The following KIF20B variants were observed in gnomAD, a reference collection of about 807,000 sequenced individuals.
KIF20B encodes the protein kinesin-like protein KIF20B.
A neutral mutation model predicts 232.5 loss-of-function variants in KIF20B; 188 were observed. The observed-to-expected ratio is 0.81, with a 90% CI of 0.72 to 0.91. KIF20B has a LOEUF of 0.91. Ranked by LOEUF, KIF20B falls within the 40% of genes least tolerant of loss-of-function variation. The pLI, the probability that KIF20B is intolerant of heterozygous loss-of-function variation, is 0.00. For synonymous variants in KIF20B, 712 were observed against 683.0 expected, an observed-to-expected ratio of 1.04 and a Z score of -0.66; for missense variants, 2,154 against 2,055.9, an observed-to-expected ratio of 1.05 and a Z score of -0.92.
chr10:89,706,650 C>T (rs1458775326), intron 2 of KIF20B, among the ~76,000 whole-genome samples: 1 of 149,882 alleles, frequency 6.7e-6, no homozygotes, highest in Non-Finnish European at 1.5e-5. Flanking sequence ...TTTTTAACTA[C>T]ATAAGTAGTT....
chr10:89,732,520 A>G (rs982168833), intron 18 of KIF20B, among the ~76,000 whole-genome samples: 3 of 152,012 alleles, frequency 2.0e-5, no homozygotes, highest in Non-Finnish European at 4.4e-5. Context: ...TGTAGGCTGT[A>G]TATCTTTGAA....
chr10:89,762,819 G>A lies in KIF20B; in HGVS notation c.4973G>A (p.Ser1658Asn), dbSNP rs757599461. 7 of 1,609,142 alleles carry A rather than the reference G, an allele frequency of 4.4e-6. No individual in the cohort carries two copies. Among genetic ancestry groups the A allele is most frequent in the Admixed American group, 3.3e-5 (2 of 59,882 alleles). Residue 1658 changes from serine (S) to asparagine (N), a missense_variant, in exon 29 of 33, where the codon AGT (serine) becomes AAT (asparagine). Transcript: ENST00000371728. ...VKIPKARKRK[S>N]NEMEEDLVKC... The stretch of plus-strand genomic sequence containing the variant: ...ATTCCCAAGGCTCGGAAGAGGAAGA[G>A]TAATGAAATGGAGGAGGTAAATACT...
In KIF20B at chr10:89,758,744, C is replaced by T; in HGVS notation, c.4542C>T (p.Asp1514=). 6.2e-7 allele frequency: 1 copy of T among 1,605,050 alleles called. No individual in the cohort carries two copies. Among genetic ancestry groups the T allele is most frequent in the Middle Eastern group, 1.7e-4 (1 of 6,036 alleles). Residue 1514 remains aspartate, a synonymous_variant, in exon 27 of 33, where the codon GAC becomes GAT. Transcript: ENST00000371728. ...CCCAGCTGACAGAGAAAGATAGTGA[C>T]CTTCAAAAGTGGCGAGAAGAACGAG... ...LTAQLTEKDS[D]LQKWREERDQ... is the part of the protein sequence containing the mutation.
chr10:89,749,107 A>C (rs986982853), intron 23 of KIF20B, among the ~76,000 whole-genome samples: 1 of 152,166 alleles, frequency 6.6e-6, no homozygotes, highest in Non-Finnish European at 1.5e-5. Context: ...ATTCTGTACT[A>C]GTTACCACTT....
At chr10:89,709,640 A>C (rs980354795) in intron 4 of KIF20B, among the ~76,000 whole-genome samples, 179 bp downstream of exon 4, 3 of 151,880 alleles carry the variant, frequency 2.0e-5, no homozygotes, top group African/African-American at 7.2e-5. Flanking sequence ...AGATCACTGT[A>C]GTGTTATTAA....
At chr10:89,753,933 T>C (rs934226853) in intron 25 of KIF20B, among the ~76,000 whole-genome samples, 1 of 151,922 alleles carries the variant, frequency 6.6e-6, no homozygotes, top group Non-Finnish European at 1.5e-5. Flanking sequence ...GTTTTTTAAG[T>C]GGTATTATTA....
chr10:89,769,195 T>C (rs1211722239), intron 31 of KIF20B, among the ~76,000 whole-genome samples: 1 of 151,954 alleles, frequency 6.6e-6, no homozygotes, highest in Non-Finnish European at 1.5e-5. Flanking sequence ...TAGGGGGCTT[T>C]GGGAAGGTTT....
At position 89,732,758 on chromosome 10, in the gene KIF20B, A is replaced by G. The variant is rs555111161; in HGVS notation, c.2392-145A>G. The G allele has an allele frequency of 4.0e-5, 25 of 623,008 alleles. No homozygotes were observed. The African/African-American group carries it at 4.0e-4, about 10-fold the overall frequency. The allele number at this position is 623,008 out of a possible 1,614,324, so 38.6% of individuals were successfully genotyped here. The stretch of plus-strand genomic sequence containing the variant: ...TGCTAGAGCCATCAGTTATTTTAGG[A>G]CGAAACTTAAGAAATAACTTAGAAA... On this transcript the variant is annotated intron_variant, in intron 18 of 32. Transcript: ENST00000371728.
Position 89,737,841 on chromosome 10 carries a change from G to C in KIF20B, c.3000G>C (p.Gln1000His). 2 of 1,613,488 alleles carry C rather than the reference G, an allele frequency of 1.2e-6. No homozygotes were observed. The highest frequency in any genetic ancestry group is 2.2e-5 in the South Asian group (2 of 91,070). Residue 1000 changes from glutamine (Q) to histidine (H), a missense_variant, in exon 20 of 33, where the codon CAG (glutamine) becomes CAC (histidine). By Grantham distance (24) the Gln-to-His change is conservative (BLOSUM62 0). Transcript: ENST00000371728. ...TACGTACTCTTGATTCAGTTTCTCA[G>C]ATTTCAAACATAGATTTGCTCAATC... is the stretch of plus-strand genomic sequence containing the variant. Reference protein sequence around the residue: ...DELRTLDSVSQISNIDLLNLR... With the variant: ...DELRTLDSVSHISNIDLLNLR...
chr10:89,717,411 C>CTT lies in KIF20B; in HGVS notation c.1053-11_1053-10dup. The CTT allele has an allele frequency of 6.7e-7, 1 of 1,490,436 alleles. No homozygotes were observed. The highest frequency in any genetic ancestry group is 1.2e-5 in the South Asian group (1 of 84,888). 92.3% of individuals were successfully genotyped at this position (1,490,436 alleles called of 1,614,324 possible). A position where few individuals can be genotyped will look rare whatever the true frequency, so the allele number is the denominator to read the frequency against. ...TAAAAATGATAAGATAACATTTGAT[C>CTT]TTTGTATTTCAGTCACAGCATATTC... On this transcript the variant is annotated splice_polypyrimidine_tract_variant and intron_variant, in intron 9 of 32. Transcript: ENST00000371728.
chr10:89,757,040 GTATATATATATATATATATATATATA>G (rs34325599), intron 26 of KIF20B, among the ~76,000 whole-genome samples: 1 of 110,748 alleles, frequency 9.0e-6, no homozygotes, highest in African/African-American at 3.3e-5. Context: ...GTGTGTGTGT[GTATATATATATATATATATATATATA>G]TATACACACA....
intron 25 of KIF20B, 150 bp downstream of exon 25, chr10:89,752,841 C>T: frequency 2.0e-6 from 1 of 498,940 alleles, no homozygotes; most frequent in South Asian, 4.4e-5. Context: ...TATAACTTTT[C>T]AGTGCACATT....
intron 26 of KIF20B, among the ~76,000 whole-genome samples, chr10:89,756,534 A>G (rs1842121535): frequency 6.6e-6 from 1 of 152,220 alleles, no homozygotes; most frequent in Non-Finnish European, 1.5e-5. Context: ...TTTTGATGTA[A>G]TGTTAATTTT....
Position 89,760,597 on chromosome 10 carries a change from T to TCAA in KIF20B, c.4753_4754insAAC (p.Pro1584_Leu1585insGln). The TCAA allele has an allele frequency of 6.2e-7, 1 of 1,612,384 alleles. No homozygotes were observed. The highest frequency in any genetic ancestry group is 8.5e-7 in the Non-Finnish European group (1 of 1,178,668). On this transcript the variant is annotated inframe_insertion, in exon 28 of 33. Transcript: ENST00000371728. ...ATCCTGACAAACTTCAAACTGAACC[T>TCAA]CTATCGACAAGTTTTGAAATTTCCA...
chr10:89,757,316 C>A (rs201019016), intron 26 of KIF20B, among the ~76,000 whole-genome samples: 2 of 151,806 alleles, frequency 1.3e-5, no homozygotes, highest in East Asian at 1.9e-4. Flanking sequence ...AGTTCCCTTA[C>A]CTGTTTCTCT....
At chr10:89,718,428 T>C (rs1475028468) in intron 11 of KIF20B, among the ~76,000 whole-genome samples, 3 of 152,170 alleles carry the variant, frequency 2.0e-5, no homozygotes, top group African/African-American at 7.2e-5. Context: ...AGAGGATCGC[T>C]TGAGCCTAAG....
chr10:89,715,454 TCTC>T (rs57222395), intron 8 of KIF20B, among the ~76,000 whole-genome samples: 46,782 of 151,848 alleles, frequency 0.31, 8,078 homozygotes, highest in African/African-American at 0.46. Flanking sequence ...TTCACGTTAT[TCTC>T]CTGCTTTGTA....
At position 89,710,012 on chromosome 10, in the gene KIF20B, G is replaced by A. The variant is rs773327403; in HGVS notation, c.437G>A (p.Arg146His). 130 of 1,611,662 alleles carry A rather than the reference G, an allele frequency of 8.1e-5. No homozygotes were observed. Among genetic ancestry groups the A allele is most frequent in the Non-Finnish European group, 1.0e-4 (123 of 1,178,926 alleles). ...PVKDLLKGQS[R>H]LIFTYGLTNS... The stretch of plus-strand genomic sequence containing the variant: ...AAAGACCTCTTGAAAGGACAGAGTC[G>A]TCTGATTTTTACTTACGGGCTAACC... Residue 146 changes from arginine (R) to histidine (H), a missense_variant, in exon 5 of 33, where the codon CGT (arginine) becomes CAT (histidine). Physicochemically the swap from Arg to His is conservative, Grantham distance 29. Coordinates refer to ENST00000371728, the MANE Select transcript of KIF20B (RefSeq NM_001284259.2).
At chr10:89,718,584 T>C (rs1001118894) in intron 11 of KIF20B, 126 bp from the exon 12 acceptor site, 2 of 707,388 alleles carry the variant, frequency 2.8e-6, no homozygotes, top group Non-Finnish European at 4.9e-6. Flanking sequence ...CATCTGAAAC[T>C]AATCACTACC....
Sources: gnomAD v4.1 joint callset for allele counts (sites outside exome capture counted in the v4.1 genomes callset) on GRCh38, gnomAD v4.1.1 for gene constraint, MANE v1.5 for transcripts, NCBI Gene and HGNC (gene_info 2026-07-23, HGNC 2026-07-21) for gene names.